NCAM2: variants seen among roughly 807,000 people sequenced by gnomAD.
NCAM2 encodes the protein neural cell adhesion molecule 2, also known as N-CAM-2.
In NCAM2, 30 loss-of-function variants were observed where a neutral mutation model predicts 98.1. The ratio of observed to expected loss-of-function variants is 0.31; its 90% CI spans 0.23 to 0.41. NCAM2 has a LOEUF of 0.41. Ranked by LOEUF, NCAM2 falls within the 10% of genes least tolerant of loss-of-function variation. The pLI is 1.00. For synonymous variants in NCAM2, 368 were observed against 342.4 expected (o/e 1.07, Z -0.83); for missense variants, 867 against 1,005.8 (o/e 0.86, Z 1.87).
intron 17 of NCAM2, among the ~76,000 whole-genome samples, chr21:21,535,063 G>T (rs910277638): frequency 6.6e-6 from 1 of 151,994 alleles, no homozygotes; most frequent in Non-Finnish European, 1.5e-5. Flanking sequence ...TGAAATATAC[G>T]CACGGCTATT....
chr21:21,095,415 C>T (rs1164493765), intron 1 of NCAM2, among the ~76,000 whole-genome samples: 2 of 151,408 alleles, frequency 1.3e-5, no homozygotes, highest in African/African-American at 4.8e-5. Context: ...ACATCTTGAT[C>T]TGTCATCTTT....
chr21:21,429,533 T>A (rs1673454039), intron 11 of NCAM2, among the ~76,000 whole-genome samples: 1 of 152,156 alleles, frequency 6.6e-6, no homozygotes, highest in African/African-American at 2.4e-5. Flanking sequence ...GAATTGGCAT[T>A]TTTTAAGGGG....
In NCAM2 at chr21:21,188,482, G is replaced by C. The variant is rs574607703; in HGVS notation, c.56-92096G>C. On this transcript the variant is annotated intron_variant, in intron 1 of 17. Coordinates refer to ENST00000400546, the MANE Select transcript of NCAM2 (RefSeq NM_004540.5). ...CTAAAATTTTTCTATAACTAGCTAT[G>C]GGTTAAAATAGCACCAATATTCTCT... Among the ~76,000 whole-genome samples the C allele has an allele frequency of 7.2e-5, 11 of 152,122 alleles. No individual in the cohort carries two copies. The South Asian group carries it at 2.3e-3, about 32-fold the overall frequency.
intron 12 of NCAM2, among the ~76,000 whole-genome samples, chr21:21,440,730 G>C (rs1257486414): frequency 6.7e-6 from 1 of 150,086 alleles, no homozygotes; most frequent in Non-Finnish European, 1.5e-5. Context: ...CAGAGAAGGA[G>C]AGAAAAAGAA....
chr21:21,371,592 G>T (rs1602136294), intron 8 of NCAM2, among the ~76,000 whole-genome samples: 1 of 151,556 alleles, frequency 6.6e-6, no homozygotes, highest in East Asian at 1.9e-4. Flanking sequence ...CATCTGCCTG[G>T]AATTCTTCCC....
intron 1 of NCAM2, among the ~76,000 whole-genome samples, chr21:21,246,801 G>A (rs1441711726): frequency 6.6e-6 from 1 of 152,112 alleles, no homozygotes; most frequent in Non-Finnish European, 1.5e-5. Context: ...TCAGAAAACT[G>A]TCAATTATAT....
chr21:21,215,708 A>T (rs1439131679), intron 1 of NCAM2, among the ~76,000 whole-genome samples: 1 of 152,050 alleles, frequency 6.6e-6, no homozygotes, highest in Non-Finnish European at 1.5e-5. Context: ...AGCCTAGGCG[A>T]CAGAGCAAAG....
chr21:21,230,346 G>A (rs1034502336), intron 1 of NCAM2, among the ~76,000 whole-genome samples: 2 of 150,662 alleles, frequency 1.3e-5, no homozygotes, highest in South Asian at 2.1e-4. Flanking sequence ...AGGTGATTTC[G>A]GATTTGTTTG....
intron 9 of NCAM2, among the ~76,000 whole-genome samples, chr21:21,376,039 A>G (rs963311795): frequency 6.6e-6 from 1 of 151,828 alleles, no homozygotes; most frequent in Non-Finnish European, 1.5e-5. Context: ...TGCTAGTATT[A>G]GAATAATAGG....
At chr21:21,275,212 G>T (rs1037449463) in intron 1 of NCAM2, among the ~76,000 whole-genome samples, 1 of 151,800 alleles carries the variant, frequency 6.6e-6, no homozygotes, top group African/African-American at 2.4e-5. Flanking sequence ...AGGCCGAGGC[G>T]GGTGGATCAC....
chr21:21,375,938 G>T (rs571368846), intron 9 of NCAM2, among the ~76,000 whole-genome samples: 6 of 151,748 alleles, frequency 4.0e-5, no homozygotes, highest in African/African-American at 1.4e-4. Flanking sequence ...CTAAATGTCT[G>T]TTGCAGGTCC....
intron 1 of NCAM2, among the ~76,000 whole-genome samples, chr21:21,199,649 A>C (rs758414360): frequency 4.6e-5 from 7 of 152,222 alleles, no homozygotes; most frequent in African/African-American, 7.2e-5. Flanking sequence ...ACCTCAGTAA[A>C]GAACACAAAA....
intron 15 of NCAM2, among the ~76,000 whole-genome samples, chr21:21,490,589 T>C (rs1986767508): frequency 6.6e-6 from 1 of 151,918 alleles, no homozygotes; most frequent in South Asian, 2.1e-4. Context: ...ATGTATGTAC[T>C]GAATAGGGGC....
rs536396430 is a variant in NCAM2, at chr21:21,489,176, G to T, written c.2077+11705G>T. Among the ~76,000 whole-genome samples the T allele has an allele frequency of 2.6e-4, 40 of 151,958 alleles. No individual in the cohort carries two copies. The South Asian group carries it at 5.6e-3, about 21-fold the overall frequency. Reference sequence around the variant, plus strand: ...ACACCTGGCTAATTTTGTATTTTTAGTAGAGGCAGGGTTTCACCATGTTGG... The same window carrying T: ...ACACCTGGCTAATTTTGTATTTTTATTAGAGGCAGGGTTTCACCATGTTGG... On this transcript the variant is annotated intron_variant, in intron 15 of 17. Coordinates refer to ENST00000400546, the MANE Select transcript of NCAM2 (RefSeq NM_004540.5).
chr21:21,261,478 T>C (rs1034701879), intron 1 of NCAM2, among the ~76,000 whole-genome samples: 4 of 152,116 alleles, frequency 2.6e-5, no homozygotes, highest in African/African-American at 9.7e-5. Flanking sequence ...TTCAAAAGGA[T>C]AAAAATTATG....
At chr21:21,481,395 A>G (rs1035965190) in intron 15 of NCAM2, among the ~76,000 whole-genome samples, 1 of 152,194 alleles carries the variant, frequency 6.6e-6, no homozygotes, top group Non-Finnish European at 1.5e-5. Context: ...AATAGATGTA[A>G]AGTGTCAAAT....
At chr21:21,476,097 A>G (rs1043054641) in intron 14 of NCAM2, among the ~76,000 whole-genome samples, 12 of 152,152 alleles carry the variant, frequency 7.9e-5, no homozygotes, top group African/African-American at 2.7e-4. Flanking sequence ...GTTATTCTTT[A>G]TACTCAAAGA....
chr21:21,241,683 T>C (rs1284331236), intron 1 of NCAM2, among the ~76,000 whole-genome samples: 25 of 151,388 alleles, frequency 1.7e-4, no homozygotes, highest in Admixed American at 1.7e-3. Flanking sequence ...TCCAGGTAAA[T>C]TAAATAACAG....
intron 1 of NCAM2, among the ~76,000 whole-genome samples, chr21:21,014,338 A>G (rs2064266394): frequency 6.6e-6 from 1 of 151,422 alleles, no homozygotes. Context: ...GCAGAAGAAT[A>G]GCTTGAACCT....
Sources: gnomAD v4.1 joint callset for allele counts (sites outside exome capture counted in the v4.1 genomes callset) on GRCh38, gnomAD v4.1.1 for gene constraint, MANE v1.5 for transcripts, NCBI Gene and HGNC (gene_info 2026-07-23, HGNC 2026-07-21) for gene names.